LAMTOR5: variants seen among roughly 807,000 people sequenced by gnomAD.
LAMTOR5 encodes ragulator complex protein LAMTOR5.
LAMTOR5 carries 8 observed loss-of-function variants against 12.1 expected under a neutral mutation model. The ratio of observed to expected loss-of-function variants is 0.66; its 90% CI spans 0.39 to 1.19. The LOEUF (loss-of-function observed/expected upper bound fraction) is 1.19. Ranked by LOEUF, LAMTOR5 falls within the 50% of genes most tolerant of loss-of-function variation. The probability of loss-of-function intolerance (pLI) is 0.01; values close to 1 mark genes in which losing one functional copy is unlikely to be tolerated. For missense variants in LAMTOR5, 110 were observed against 112.8 expected (o/e 0.97, Z 0.11); for synonymous variants, 37 against 41.9 (o/e 0.88, Z 0.45).
intron 2 of LAMTOR5, among the ~76,000 whole-genome samples, chr1:110,404,512 T>C (rs11102098): frequency 0.084 from 12,835 of 152,330 alleles, 680 homozygotes; most frequent in Admixed American, 0.16. Flanking sequence ...CTGATCTGCA[T>C]GTTAAACATA....
Position 110,407,000 on chromosome 1 carries a change from C to G in LAMTOR5, c.35+586G>C, listed in dbSNP as rs994082587. 3.5e-5 allele frequency: 24 copies of G among 686,116 alleles called. No individual in the cohort carries two copies. The African/African-American group carries it at 3.6e-4, about 10-fold the overall frequency. 42.5% of individuals were successfully genotyped at this position (686,116 alleles called of 1,614,324 possible). A position where few individuals can be genotyped will look rare whatever the true frequency, so the allele number is the denominator to read the frequency against. On this transcript the variant is annotated intron_variant, in intron 1 of 3. Transcript: ENST00000602318. ...AAAAACGCATGTTTTAGTACTAACT[C>G]ATTTAAAACAACTGTTGAAAAACTC...
intron 1 of LAMTOR5, chr1:110,407,166 A>G (rs1663348571): frequency 1.6e-6 from 1 of 607,350 alleles, no homozygotes; most frequent in Admixed American, 2.7e-5. Flanking sequence ...ATTTTTATCT[A>G]CTTAAGCACC....
At position 110,401,486 on chromosome 1, in the gene LAMTOR5, G is replaced by A. The variant is rs762346892; in HGVS notation, c.*37C>T. 1 of 1,588,804 alleles carries A rather than the reference G, an allele frequency of 6.3e-7. No individual in the cohort carries two copies. Among genetic ancestry groups the A allele is most frequent in the South Asian group, 1.1e-5 (1 of 89,212 alleles). On this transcript the variant is annotated 3_prime_UTR_variant, in exon 4 of 4. Transcript: ENST00000602318. ...AGGTAATTAACATAGGTAGGATCCA[G>A]TTCCTATGACAGGCTGCTGAAGAAC...
chr1:110,403,339 T>G (rs1023294798), intron 3 of LAMTOR5, among the ~76,000 whole-genome samples: 1 of 152,172 alleles, frequency 6.6e-6, no homozygotes, highest in African/African-American at 2.4e-5. Context: ...CTGGGTGCAG[T>G]GACTCATTCC....
At chr1:110,402,814 T>TA (rs550023549) in intron 3 of LAMTOR5, among the ~76,000 whole-genome samples, 3 of 152,174 alleles carry the variant, frequency 2.0e-5, no homozygotes, top group Non-Finnish European at 2.9e-5. Flanking sequence ...GTCTAAAAAG[T>TA]AAAAAAGTTT....
At chr1:110,404,165 T>C (rs1167307746) in intron 2 of LAMTOR5, 129 bp from the exon 3 acceptor site, 16 of 1,302,250 alleles carry the variant, frequency 1.2e-5, no homozygotes, top group Non-Finnish European at 1.6e-5. Context: ...TCTGTATATA[T>C]TATAGTAACT....
rs1419974908 is a variant in LAMTOR5 at position 110,407,291 on chromosome 1, G to A, written c.35+295C>T. On this transcript the variant is annotated intron_variant, in intron 1 of 3. Transcript: ENST00000602318. ...CAACCCGTTTTCTAAAACTTCCGCA[G>A]AACCACCCTGACCGTAAAGACGATT... 13 of 584,890 alleles carry A rather than the reference G, an allele frequency of 2.2e-5. No homozygotes were observed. The Admixed American group carries it at 2.4e-4, about 11-fold the overall frequency. The allele number at this position is 584,890 out of a possible 1,614,324, so 36.2% of individuals were successfully genotyped here.
chr1:110,402,077 A>C (rs1663241341), intron 3 of LAMTOR5, among the ~76,000 whole-genome samples: 1 of 152,096 alleles, frequency 6.6e-6, no homozygotes, highest in Non-Finnish European at 1.5e-5. Flanking sequence ...TTGCCTAGTG[A>C]CCTTTTAACC....
rs1000550829 is a variant in LAMTOR5 at position 110,407,305 on chromosome 1, G to A, written c.35+281C>T. On this transcript the variant is annotated intron_variant, in intron 1 of 3. Transcript: ENST00000602318. ...AAACTTCCGCAGAACCACCCTGACC[G>A]TAAAGACGATTTCAACAACGAGATA... 1.3e-4 allele frequency: 75 copies of A among 587,530 alleles called. 1 individual carries two copies. The South Asian group carries it at 1.5e-3, about 12-fold the overall frequency. 36.4% of individuals were successfully genotyped at this position (587,530 alleles called of 1,614,324 possible). A position where few individuals can be genotyped will look rare whatever the true frequency, so the allele number is the denominator to read the frequency against.
intron 1 of LAMTOR5, chr1:110,406,911 C>T (rs1486444431): frequency 6.0e-6 from 3 of 496,216 alleles, no homozygotes; most frequent in African/African-American, 2.0e-5. Context: ...GTGCTAAGTA[C>T]TGCTGAGTTC....
At chr1:110,403,882 T>C in intron 3 of LAMTOR5, 37 bp downstream of exon 3, 1 of 1,607,062 alleles carries the variant, frequency 6.2e-7, no homozygotes, top group Non-Finnish European at 8.5e-7. Context: ...GGAATTTTTC[T>C]GAACAAAAAG....
intron 3 of LAMTOR5, chr1:110,403,677 T>C (rs1663270305): frequency 4.5e-6 from 2 of 446,228 alleles, no homozygotes; most frequent in Admixed American, 8.3e-5. Context: ...TATTTGTTAC[T>C]TTCTTTTTGT....
At position 110,402,391 on chromosome 1, in the gene LAMTOR5, C is replaced by T. The variant is rs544421876; in HGVS notation, c.216-808G>A. Reference sequence around the variant, plus strand: ...TCAGCCTCCTGAGTAGCTAGGATTACAGGTGCCTGCCACCATGCCTAATTT... The same window carrying T: ...TCAGCCTCCTGAGTAGCTAGGATTATAGGTGCCTGCCACCATGCCTAATTT... On this transcript the variant is annotated intron_variant, in intron 3 of 3. Coordinates refer to ENST00000602318, the MANE Select transcript of LAMTOR5 (RefSeq NM_001382293.1). Among the ~76,000 whole-genome samples the T allele has an allele frequency of 2.0e-5, 3 of 152,236 alleles. No individual in the cohort carries two copies. The South Asian group carries it at 6.2e-4, about 32-fold the overall frequency.
intron 3 of LAMTOR5, chr1:110,403,671 T>C: frequency 2.4e-6 from 1 of 415,464 alleles, no homozygotes; most frequent in Non-Finnish European, 4.1e-6. Flanking sequence ...TTGTGCTATT[T>C]GTTACTTTCT....
intron 2 of LAMTOR5, among the ~76,000 whole-genome samples, chr1:110,404,331 A>C (rs1553232787): frequency 6.6e-6 from 1 of 152,242 alleles, no homozygotes; most frequent in Non-Finnish European, 1.5e-5. Context: ...GAGCATTTGG[A>C]TGTACTATTA....
At position 110,407,660 on chromosome 1, in the gene LAMTOR5, G is replaced by C. The variant is rs143658007; in HGVS notation, c.-40C>G. The C allele has an allele frequency of 8.8e-4, 1,420 of 1,614,190 alleles. 13 individuals carry two copies. In the African/African-American group the frequency reaches 0.017, roughly 19 times the overall value. On this transcript the variant is annotated 5_prime_UTR_variant, in exon 1 of 4. Coordinates refer to ENST00000602318, the MANE Select transcript of LAMTOR5 (RefSeq NM_001382293.1). ...ACTCCGGCTCAGAACCCAGCGGCAC[G>C]GCACGTCCTTCTCCACCACAGGCCT...
intron 1 of LAMTOR5, chr1:110,407,066 G>A: frequency 1.4e-6 from 1 of 697,986 alleles, no homozygotes; most frequent in South Asian, 1.5e-5. Flanking sequence ...GAGGGACATC[G>A]GTGGGAGGCA....
In LAMTOR5 at chr1:110,404,015, T is replaced by G. The variant is rs773985055; in HGVS notation, c.119A>C (p.Glu40Ala). 1 of 1,614,156 alleles carries G rather than the reference T, an allele frequency of 6.2e-7. No individual in the cohort carries two copies. The highest frequency in any genetic ancestry group is 1.1e-5 in the South Asian group (1 of 91,076). ...NLGCRGTLSD[E>A]HAGVISVLAQ... ...TAGAACAGATATCACTCCAGCATGC[T>G]CATCTGACAGGGTCCCGCGGCCTGG... The change falls in exon 3 of 4, where the codon GAG becomes GCG. Residue 40 changes from glutamate to alanine, a missense_variant. Glu to Ala is a moderately radical substitution (Grantham distance 107, BLOSUM62 -1). Coordinates refer to ENST00000602318, the MANE Select transcript of LAMTOR5 (RefSeq NM_001382293.1).
upstream of LAMTOR5, chr1:110,407,829 GCGCGGTGACCGT>G (rs1557925413): frequency 6.2e-7 from 1 of 1,613,956 alleles, no homozygotes; most frequent in South Asian, 1.1e-5. Context: ...TGGGCTCCCC[GCGCGGTGACCGT>G]CGAGGTGACC....
Sources: allele counts gnomAD v4.1 joint callset (sites outside exome capture counted in the v4.1 genomes callset), GRCh38; gene constraint gnomAD v4.1.1; transcripts MANE v1.5; gene names NCBI Gene and HGNC (gene_info 2026-07-23, HGNC 2026-07-21).